The following LOXL1 variants were observed in gnomAD, a reference collection of about 807,000 sequenced individuals.
LOXL1 encodes lysyl oxidase homolog 1.
Under a neutral mutation model 62.2 loss-of-function variants are expected in LOXL1, and 31 were observed. That is an observed-to-expected ratio of 0.50 (90% confidence interval 0.37 to 0.67). The LOEUF is 0.67. Among genes scored for constraint, LOXL1 ranks in the 30% least tolerant of loss-of-function variants. LOXL1 has a pLI of 0.00. For synonymous variants in LOXL1, 403 were observed against 384.4 expected (o/e 1.05, Z -0.56); for missense variants, 775 against 843.4 (o/e 0.92, Z 1.00).
At chr15:73,943,644 A>G (rs567311061) in intron 2 of LOXL1, among the ~76,000 whole-genome samples, 2 of 152,326 alleles carry the variant, frequency 1.3e-5, no homozygotes, top group African/African-American at 4.8e-5. Flanking sequence ...TCTAATTTAT[A>G]AGCAGTTCAT....
Position 73,945,980 on chromosome 15 carries a change from C to T in LOXL1, c.1212-437C>T, listed in dbSNP as rs2141635770. ...TATGGGCCTCAAGTGATCCTCCTGC[C>T]TCGACCTCCAAAAAGCTCTGTAATT... is the stretch of plus-strand genomic sequence containing the variant. On this transcript the variant is annotated intron_variant, in intron 2 of 6. Coordinates refer to ENST00000261921, the MANE Select transcript of LOXL1 (RefSeq NM_005576.4). This position sits in a 1 kb window ranked among gnomAD's most constrained non-coding sequence, Gnocchi z 4.3. 6.6e-6 allele frequency among the ~76,000 whole-genome samples: 1 copy of T among 152,294 alleles called. No homozygotes were observed. The highest frequency in any genetic ancestry group is 1.9e-4 in the East Asian group (1 of 5,184).
At chr15:73,943,714 A>G (rs2068730446) in intron 2 of LOXL1, among the ~76,000 whole-genome samples, 1 of 152,188 alleles carries the variant, frequency 6.6e-6, no homozygotes, top group Admixed American at 6.5e-5. Context: ...ATTAGTTAAG[A>G]TTATGTTATC....
chr15:73,947,173 A>G lies in LOXL1; in HGVS notation c.1456A>G (p.Thr486Ala). The change falls in exon 4 of 7, where the codon ACC becomes GCC. Residue 486 changes from threonine (T) to alanine (A), a missense_variant. Coordinates refer to ENST00000261921, the MANE Select transcript of LOXL1 (RefSeq NM_005576.4). The stretch of plus-strand genomic sequence containing the variant: ...GGCCAGTTTCTGCCTGGAGGACAGC[A>G]CCTGTGACTTCGGCAACCTCAAGCG... The part of the protein sequence containing the change: ...HKASFCLEDS[T>A]CDFGNLKRYA... 6.2e-7 allele frequency: 1 copy of G among 1,613,526 alleles called. No homozygotes were observed. The highest frequency in any genetic ancestry group is 1.3e-5 in the African/African-American group (1 of 75,064).
rs5813735 is a variant in LOXL1, at chr15:73,950,293, TAA to T, written c.1718+735_1718+736del. On this transcript the variant is annotated intron_variant, in intron 6 of 6. Transcript: ENST00000261921. The stretch of plus-strand genomic sequence containing the variant: ...CCAGATCGAAGCAACCCTTTTCCAT[TAA>T]AAAAAAAAAAAAAAATTAGTCCTAG... 8.6e-3 allele frequency among the ~76,000 whole-genome samples: 1,257 copies of T among 145,950 alleles called. 7 individuals carry two copies. The highest frequency in any genetic ancestry group is 0.019 in the African/African-American group (744 of 39,368).
At chr15:73,928,930 G>C (rs1418036245) in intron 1 of LOXL1, among the ~76,000 whole-genome samples, 2 of 151,646 alleles carry the variant, frequency 1.3e-5, no homozygotes, top group Non-Finnish European at 2.9e-5. Context: ...GGCCCTGGCG[G>C]AGAGCCCCAG....
chr15:73,930,910 A>G lies in LOXL1; in HGVS notation c.1102+3025A>G, dbSNP rs2068630855. Among the ~76,000 whole-genome samples the G allele has an allele frequency of 6.6e-6, 1 of 152,200 alleles. No individual in the cohort carries two copies. Among genetic ancestry groups the G allele is most frequent in the Non-Finnish European group, 1.5e-5 (1 of 68,016 alleles). On this transcript the variant is annotated intron_variant, in intron 1 of 6. Transcript: ENST00000261921. The surrounding 1 kb of genome is among the most constrained non-coding windows in gnomAD (Gnocchi z 4.7). ...TGGCTCTCATAGCAAATCCTTGAAG[A>G]GAGGCCTGGAGGGTGGCCAGCCACT...
chr15:73,951,895 G>A lies in LOXL1; in HGVS notation c.*58G>A, dbSNP rs1430799553. On this transcript the variant is annotated 3_prime_UTR_variant, in exon 7 of 7. Transcript: ENST00000261921. ...CTTCCAAAGCAGGCCCTGCTCCCCG[G>A]GCAGCCTCCCGCCGAGGGGCCCAGC... The A allele has an allele frequency of 2.8e-6, 4 of 1,427,260 alleles. No individual in the cohort carries two copies. The African/African-American group carries it at 5.8e-5, about 21-fold the overall frequency. 88.4% of individuals were successfully genotyped at this position (1,427,260 alleles called of 1,614,324 possible). A position where few individuals can be genotyped will look rare whatever the true frequency, so the allele number is the denominator to read the frequency against.
rs545021436 is a variant in LOXL1 at position 73,946,792 on chromosome 15, ATG to A, written c.1349+240_1349+241del. On this transcript the variant is annotated intron_variant, in intron 3 of 6. Coordinates refer to ENST00000261921, the MANE Select transcript of LOXL1 (RefSeq NM_005576.4). ...GGATTGGTCTCAATCAGGGATGGAA[ATG>A]TCTAGAATACAGGGCATTGCCCAGT... is the stretch of plus-strand genomic sequence containing the variant. Among the ~76,000 whole-genome samples, 722 of 152,368 alleles carry A rather than the reference ATG, an allele frequency of 4.7e-3. 1 individual carries two copies. Among genetic ancestry groups the A allele is most frequent in the Non-Finnish European group, 8.0e-3 (547 of 68,040 alleles).
At chr15:73,939,682 C>T (rs768061148) in intron 1 of LOXL1, among the ~76,000 whole-genome samples, 5 of 152,136 alleles carry the variant, frequency 3.3e-5, no homozygotes, top group Non-Finnish European at 5.9e-5. Context: ...GGAAGCCACA[C>T]GGCTTTATAC....
At chr15:73,940,582 G>A (rs1000609064) in intron 1 of LOXL1, among the ~76,000 whole-genome samples, 1 of 152,182 alleles carries the variant, frequency 6.6e-6, no homozygotes, top group African/African-American at 2.4e-5. Flanking sequence ...GGCTCGGTGT[G>A]TGACCAGCAT....
intron 6 of LOXL1, among the ~76,000 whole-genome samples, 192 bp downstream of exon 6, chr15:73,949,766 C>T (rs1479664221): frequency 6.6e-6 from 1 of 152,092 alleles, no homozygotes; most frequent in South Asian, 2.1e-4. Context: ...GGGCTCAGGC[C>T]GTAGGGTGTT....
chr15:73,947,953 T>G (rs748463707), intron 5 of LOXL1, 51 bp downstream of exon 5: 2 of 1,368,394 alleles, frequency 1.5e-6, no homozygotes, highest in East Asian at 4.7e-5. Flanking sequence ...TCATGTCCAA[T>G]GTCCCCCCGT....
intron 6 of LOXL1, among the ~76,000 whole-genome samples, chr15:73,951,174 G>A (rs938439291): frequency 6.6e-6 from 1 of 152,226 alleles, no homozygotes; most frequent in East Asian, 1.9e-4. Context: ...TGCTGGGAAA[G>A]GGGGATGGGA....
intron 1 of LOXL1, 48 bp downstream of exon 1, chr15:73,927,933 T>C: frequency 7.8e-7 from 1 of 1,283,814 alleles, no homozygotes; most frequent in Middle Eastern, 2.9e-4. Flanking sequence ...CCCTGGCCAC[T>C]GGAAACTGCT....
At chr15:73,929,554 G>A (rs995376931) in intron 1 of LOXL1, among the ~76,000 whole-genome samples, 1 of 152,228 alleles carries the variant, frequency 6.6e-6, no homozygotes, top group African/African-American at 2.4e-5. Context: ...TTTGAGTTGT[G>A]TGCTGAATCC....
chr15:73,945,084 GTGTGTGTA>G lies in LOXL1; in HGVS notation c.1212-1326_1212-1319del, dbSNP rs2068739232. ...GTTCCTACCACACATGTGTGTGCATGTGTGTGTATGTGTGCATGTGTGTGTGTCTCCCC... is the reference window on the plus strand; with the variant it reads ...GTTCCTACCACACATGTGTGTGCATGTGTGTGCATGTGTGTGTGTCTCCCC... On this transcript the variant is annotated intron_variant, in intron 2 of 6. Coordinates refer to ENST00000261921, the MANE Select transcript of LOXL1 (RefSeq NM_005576.4). The surrounding 1 kb of genome is among the most constrained non-coding windows in gnomAD (Gnocchi z 4.3). 6.6e-6 allele frequency among the ~76,000 whole-genome samples: 1 copy of G among 152,192 alleles called. No individual in the cohort carries two copies. Among genetic ancestry groups the G allele is most frequent in the Admixed American group, 6.5e-5 (1 of 15,288 alleles).
intron 4 of LOXL1, 198 bp from the exon 5 acceptor site, chr15:73,947,609 G>C: frequency 1.9e-6 from 1 of 522,780 alleles, no homozygotes; most frequent in Non-Finnish European, 3.4e-6. Flanking sequence ...CTCCCACCTG[G>C]CTATTAGATA....
At position 73,927,420 on chromosome 15, in the gene LOXL1, G is replaced by GGC; in HGVS notation, c.641_642dup (p.Gly215ArgfsTer213). 6.6e-7 allele frequency: 1 copy of GGC among 1,508,482 alleles called. No homozygotes were observed. Among genetic ancestry groups the GGC allele is most frequent in the Non-Finnish European group, 8.8e-7 (1 of 1,131,104 alleles). 93.4% of individuals were successfully genotyped at this position (1,508,482 alleles called of 1,614,324 possible). A position where few individuals can be genotyped will look rare whatever the true frequency, so the allele number is the denominator to read the frequency against. Reference sequence around the variant, plus strand: ...CTACCGGCCCGCGGGCGGCGGCGTGGGCGCGGGGGCGGCGGCCGTGGCCTC... The same window carrying GGC: ...CTACCGGCCCGCGGGCGGCGGCGTGGGCGCGCGGGGGCGGCGGCCGTGGCCTC... On this transcript the variant is annotated frameshift_variant, in exon 1 of 7. Transcript: ENST00000261921. LOFTEE classifies it high-confidence loss of function.
At chr15:73,935,247 C>A (rs959633564) in intron 1 of LOXL1, among the ~76,000 whole-genome samples, 5 of 151,974 alleles carry the variant, frequency 3.3e-5, no homozygotes, top group Admixed American at 6.5e-5. Flanking sequence ...GGAGGCTGTT[C>A]CAGAGAGTAG....
Sources: allele counts gnomAD v4.1 joint callset (sites outside exome capture counted in the v4.1 genomes callset), GRCh38; gene constraint gnomAD v4.1.1; non-coding constraint Gnocchi (gnomAD v3.1); transcripts MANE v1.5; gene names NCBI Gene and HGNC (gene_info 2026-07-23, HGNC 2026-07-21).